Variants in VSNL1 observed in about 807,000 individuals in gnomAD.
VSNL1 encodes visinin-like protein 1.
A neutral mutation model predicts 20.4 loss-of-function variants in VSNL1; 6 were observed. The ratio of observed to expected loss-of-function variants is 0.29; its 90% CI spans 0.16 to 0.58. The LOEUF (loss-of-function observed/expected upper bound fraction) is 0.58, where lower values mean the gene tolerates loss of function less well. Among genes scored for constraint, VSNL1 ranks in the 20% least tolerant of loss-of-function variants. VSNL1 has a pLI of 0.90. For missense variants in VSNL1, 100 were observed against 234.5 expected, an observed-to-expected ratio of 0.43 and a Z score of 3.75; for synonymous variants, 93 against 86.4, an observed-to-expected ratio of 1.08 and a Z score of -0.42.
At chr2:17,610,044 A>G (rs889487389) in intron 2 of VSNL1, among the ~76,000 whole-genome samples, 4 of 152,234 alleles carry the variant, frequency 2.6e-5, no homozygotes, top group African/African-American at 9.6e-5. Flanking sequence ...TTACTTGAAT[A>G]TCACATAATG....
chr2:17,591,930 GGCAGACTTGGGAAGATAT>G (rs1375639825), intron 1 of VSNL1, 122 bp from the exon 2 acceptor site: 5 of 793,778 alleles, frequency 6.3e-6, no homozygotes, highest in Non-Finnish European at 2.0e-6. Context: ...AGTAGAAGGA[GGCAGACTTGGGAAGATAT>G]GCATCAGCCA....
Position 17,592,221 on chromosome 2 carries a change from G to A in VSNL1, c.147G>A (p.Gln49=), listed in dbSNP as rs1368847058. Residue 49 remains glutamine (Q), a synonymous_variant, in exon 2 of 4, where the codon CAG becomes CAA. Coordinates refer to ENST00000295156, the MANE Select transcript of VSNL1 (RefSeq NM_003385.5). ...PSGRLNLEEF[Q]QLYVKFFPYG... ...GGAGGCTAAATCTCGAGGAATTTCAGCAGCTCTATGTGAAGGTAAGTTGTT... is the reference window on the plus strand; with the variant it reads ...GGAGGCTAAATCTCGAGGAATTTCAACAGCTCTATGTGAAGGTAAGTTGTT... 6.2e-7 allele frequency: 1 copy of A among 1,613,632 alleles called. No homozygotes were observed. Among genetic ancestry groups the A allele is most frequent in the Non-Finnish European group, 8.5e-7 (1 of 1,179,684 alleles).
chr2:17,628,854 A>G (rs141922173), intron 2 of VSNL1, among the ~76,000 whole-genome samples: 1 of 152,288 alleles, frequency 6.6e-6, no homozygotes, highest in East Asian at 1.9e-4. Context: ...CTCTGCATTT[A>G]GTTGCTGAAG....
chr2:17,651,093 C>T (rs1201704953), intron 3 of VSNL1, among the ~76,000 whole-genome samples: 1 of 152,174 alleles, frequency 6.6e-6, no homozygotes, highest in Non-Finnish European at 1.5e-5. Flanking sequence ...AAGCTCCCTA[C>T]AGAGTAGGTT....
chr2:17,638,560 C>T (rs1192845111), intron 2 of VSNL1, among the ~76,000 whole-genome samples: 4 of 152,158 alleles, frequency 2.6e-5, no homozygotes, highest in Non-Finnish European at 5.9e-5. Context: ...CTCATGCACA[C>T]TGAGCCTGCT....
At chr2:17,601,888 A>G (rs534540169) in intron 2 of VSNL1, among the ~76,000 whole-genome samples, 1 of 152,336 alleles carries the variant, frequency 6.6e-6, no homozygotes, top group South Asian at 2.1e-4. Flanking sequence ...GTGAGCCGAG[A>G]TTGTGCCACC....
chr2:17,553,109 A>C (rs1434844716), intron 1 of VSNL1, among the ~76,000 whole-genome samples: 1 of 152,178 alleles, frequency 6.6e-6, no homozygotes, highest in Non-Finnish European at 1.5e-5. Flanking sequence ...AAGAAAAAGG[A>C]AAAATGGAAT....
chr2:17,629,726 C>T (rs1306659618), intron 2 of VSNL1, among the ~76,000 whole-genome samples: 2 of 152,212 alleles, frequency 1.3e-5, no homozygotes, highest in Non-Finnish European at 2.9e-5. Context: ...TAGATTGTAC[C>T]CGCATTCAAC....
At chr2:17,646,489 C>T (rs997919508) in intron 2 of VSNL1, among the ~76,000 whole-genome samples, 5 of 152,218 alleles carry the variant, frequency 3.3e-5, no homozygotes, top group African/African-American at 1.2e-4. Flanking sequence ...TGCCTTTGAC[C>T]TTTCTAGGCT....
At chr2:17,628,351 T>C (rs1303195641) in intron 2 of VSNL1, among the ~76,000 whole-genome samples, 6 of 152,196 alleles carry the variant, frequency 3.9e-5, no homozygotes, top group African/African-American at 1.2e-4. Context: ...CTGTCTGATA[T>C]ATAGTGTAGG....
intron 1 of VSNL1, among the ~76,000 whole-genome samples, chr2:17,571,919 TAAG>T (rs961750324): frequency 2.6e-5 from 4 of 152,112 alleles, no homozygotes; most frequent in African/African-American, 9.7e-5. Flanking sequence ...AAGAGAATTC[TAAG>T]GAGAGAGAGA....
chr2:17,552,444 C>A (rs552505558), intron 1 of VSNL1, among the ~76,000 whole-genome samples: 77 of 152,178 alleles, frequency 5.1e-4, no homozygotes, highest in Non-Finnish European at 8.2e-4. Context: ...AATCTACACA[C>A]GTCTTTTTAT....
chr2:17,655,421 A>G lies in VSNL1; in HGVS notation c.*27A>G. ...CTGATGTCAATGCTATGGACTGCAC[A>G]AAAGTCTCAATGTTCCATTCAGTCT... On this transcript the variant is annotated 3_prime_UTR_variant, in exon 4 of 4. Transcript: ENST00000295156. The surrounding 1 kb of genome is among the most constrained non-coding windows in gnomAD (Gnocchi z 5.2). 1 of 1,593,868 alleles carries G rather than the reference A, an allele frequency of 6.3e-7. No homozygotes were observed.
rs1040001421 is a variant in VSNL1, at chr2:17,656,604, A to G, written c.*1210A>G. 7.4e-6 allele frequency: 1 copy of G among 134,846 alleles called. No homozygotes were observed. Among genetic ancestry groups the G allele is most frequent in the Non-Finnish European group, 1.5e-5 (1 of 65,296 alleles). 8.4% of individuals were successfully genotyped at this position (134,846 alleles called of 1,614,324 possible). A position where few individuals can be genotyped will look rare whatever the true frequency, so the allele number is the denominator to read the frequency against. On this transcript the variant is annotated 3_prime_UTR_variant, in exon 4 of 4. Transcript: ENST00000295156. ...CAGAAGTAGCTATTTTTAATAACAG[A>G]ACAGAACTCTGACTCTTTTGATCTT... is the stretch of plus-strand genomic sequence containing the variant.
chr2:17,612,782 A>G (rs756055742), intron 2 of VSNL1, among the ~76,000 whole-genome samples: 23 of 152,340 alleles, frequency 1.5e-4, no homozygotes, highest in Admixed American at 6.5e-4. Flanking sequence ...GCTCTGAGTA[A>G]CAGCAATTCC....
At chr2:17,639,363 T>G (rs1558308895) in intron 2 of VSNL1, among the ~76,000 whole-genome samples, 1 of 152,172 alleles carries the variant, frequency 6.6e-6, no homozygotes, top group Non-Finnish European at 1.5e-5. Context: ...TTGGCTGGGT[T>G]TGCACTGCTC....
chr2:17,645,303 A>ACCCCAC (rs1665968898), intron 2 of VSNL1, among the ~76,000 whole-genome samples: 1 of 152,066 alleles, frequency 6.6e-6, no homozygotes, highest in Non-Finnish European at 1.5e-5. Flanking sequence ...GCTTGTGCCC[A>ACCCCAC]CCCCACCCCC....
chr2:17,548,607 T>C (rs1042623033), intron 1 of VSNL1, among the ~76,000 whole-genome samples: 5 of 152,132 alleles, frequency 3.3e-5, no homozygotes, highest in Admixed American at 1.3e-4. Flanking sequence ...ATATAAATAA[T>C]TCCTTCTCCC....
intron 1 of VSNL1, among the ~76,000 whole-genome samples, chr2:17,571,049 T>A (rs1664070017): frequency 6.6e-6 from 1 of 151,942 alleles, no homozygotes; most frequent in Admixed American, 6.6e-5. Context: ...GCAAAACTAA[T>A]TTACCCAAAA....
Sources: gnomAD v4.1 joint callset for allele counts (sites outside exome capture counted in the v4.1 genomes callset) on GRCh38, gnomAD v4.1.1 for gene constraint, Gnocchi (gnomAD v3.1) non-coding constraint, MANE v1.5 for transcripts, NCBI Gene and HGNC (gene_info 2026-07-23, HGNC 2026-07-21) for gene names.